The following AGBL2 variants were observed in gnomAD, a reference collection of about 807,000 sequenced individuals.
The protein encoded by AGBL2 is cytosolic carboxypeptidase 2.
Under a neutral mutation model 103.0 loss-of-function variants are expected in AGBL2, and 87 were observed. That is an observed-to-expected ratio of 0.84 (90% CI 0.71 to 1.01). The LOEUF (loss-of-function observed/expected upper bound fraction) is 1.01. Ranked by LOEUF, AGBL2 falls within the 50% of genes least tolerant of loss-of-function variation. The pLI is 0.00. For missense variants in AGBL2, 904 were observed against 1,023.5 expected (o/e 0.88, Z 1.59); for synonymous variants, 335 against 356.7 (o/e 0.94, Z 0.69).
In AGBL2 at chr11:47,715,028, G is replaced by C. The variant is rs2097545879; in HGVS notation, c.-101+147C>G. The C allele has an allele frequency of 2.3e-5, 5 of 219,004 alleles. No individual in the cohort carries two copies. The South Asian group carries it at 3.2e-4, about 14-fold the overall frequency. 13.6% of individuals were successfully genotyped at this position (219,004 alleles called of 1,614,324 possible). On this transcript the variant is annotated intron_variant, in intron 1 of 18. Transcript: ENST00000525123. The stretch of plus-strand genomic sequence containing the variant: ...GGGTATGGGAGCACGCGACGAAGTC[G>C]TCTCGGTAGGTGCCGATGGAAAAAG...
intron 10 of AGBL2, among the ~76,000 whole-genome samples, chr11:47,687,520 T>C (rs572088392): frequency 1.3e-5 from 2 of 150,856 alleles, no homozygotes; most frequent in South Asian, 4.2e-4. Flanking sequence ...AATAAATGTA[T>C]GTGAAATTGA....
At chr11:47,687,807 C>CT (rs369461728) in intron 10 of AGBL2, among the ~76,000 whole-genome samples, 21,763 of 138,506 alleles carry the variant, frequency 0.16, 1,923 homozygotes, top group South Asian at 0.25. Flanking sequence ...TTCTTTCTTT[C>CT]TTTTTTTTTT....
intron 14 of AGBL2, 47 bp from the exon 15 acceptor site, chr11:47,668,954 G>A (rs1483291648): frequency 2.2e-6 from 3 of 1,348,416 alleles, no homozygotes; most frequent in East Asian, 2.3e-5. Flanking sequence ...TCATTGATAT[G>A]TCTAGGAAGC....
intron 12 of AGBL2, among the ~76,000 whole-genome samples, chr11:47,681,625 G>A (rs1171338150): frequency 2.6e-5 from 4 of 152,050 alleles, no homozygotes; most frequent in Admixed American, 2.0e-4. Flanking sequence ...GTGCCACCAC[G>A]CCCAGCTAAT....
intron 7 of AGBL2, among the ~76,000 whole-genome samples, chr11:47,699,787 A>G (rs540357119): frequency 1.3e-5 from 2 of 152,286 alleles, no homozygotes; most frequent in East Asian, 1.9e-4. Context: ...TAAACTATCC[A>G]TAGAAGACCT....
chr11:47,705,232 AAAG>A (rs2097513392), intron 6 of AGBL2: 1 of 153,074 alleles, frequency 6.5e-6, no homozygotes, highest in Non-Finnish European at 1.5e-5. Context: ...GACATAAAAC[AAAG>A]AAGATGGAAA....
intron 1 of AGBL2, 91 bp downstream of exon 1, chr11:47,715,084 A>T (rs1186107414): frequency 2.2e-5 from 4 of 185,190 alleles, no homozygotes; most frequent in Non-Finnish European, 3.4e-5. Flanking sequence ...GGCCCTAAAG[A>T]TTGAATTTAG....
intron 11 of AGBL2, among the ~76,000 whole-genome samples, chr11:47,684,612 T>TAAAA (rs2097416826): frequency 6.6e-6 from 1 of 151,328 alleles, no homozygotes; most frequent in South Asian, 2.1e-4. Context: ...AATAAATAAA[T>TAAAA]AAAAATCCAA....
intron 14 of AGBL2, among the ~76,000 whole-genome samples, chr11:47,673,364 G>T (rs1400934699): frequency 6.6e-6 from 1 of 152,050 alleles, no homozygotes; most frequent in Non-Finnish European, 1.5e-5. Flanking sequence ...AGTGGCTCAT[G>T]CCTGTAATCC....
chr11:47,708,865 T>C (rs1599107372), intron 4 of AGBL2, among the ~76,000 whole-genome samples: 1 of 151,484 alleles, frequency 6.6e-6, no homozygotes, highest in Non-Finnish European at 1.5e-5. Flanking sequence ...CTCGCACCTG[T>C]AATCCCAGCA....
At chr11:47,672,001 C>A (rs148967424) in intron 14 of AGBL2, among the ~76,000 whole-genome samples, 45 of 152,294 alleles carry the variant, frequency 3.0e-4, no homozygotes, top group African/African-American at 9.4e-4. Context: ...CAGAGGCTGG[C>A]AAATTGGGTT....
At chr11:47,664,915 T>C (rs1447542516) in intron 17 of AGBL2, among the ~76,000 whole-genome samples, 1 of 150,080 alleles carries the variant, frequency 6.7e-6, no homozygotes. Context: ...AAGGTCTTGC[T>C]CTGTCGCCCA....
chr11:47,678,338 A>ATTTTTTTTTTTTTTTTTTTTTTTTTTT (rs1196435610), intron 13 of AGBL2, among the ~76,000 whole-genome samples: 12 of 95,302 alleles, frequency 1.3e-4, no homozygotes, highest in Non-Finnish European at 1.7e-4. Flanking sequence ...TTATTTTATT[A>ATTTTTTTTTTTTTTTTTTTTTTTTTTT]TTTTATTTTT....
At chr11:47,677,733 G>A (rs1362473948) in intron 13 of AGBL2, among the ~76,000 whole-genome samples, 2 of 152,100 alleles carry the variant, frequency 1.3e-5, no homozygotes, top group Non-Finnish European at 2.9e-5. Flanking sequence ...GATTACAGGC[G>A]TGAGCCATCA....
intron 12 of AGBL2, among the ~76,000 whole-genome samples, chr11:47,681,530 C>T (rs1041208850): frequency 6.6e-6 from 1 of 152,084 alleles, no homozygotes; most frequent in Non-Finnish European, 1.5e-5. Context: ...TGCAATGGCA[C>T]GATCTTGGCT....
At chr11:47,711,597 A>G (rs2097536557) in intron 3 of AGBL2, among the ~76,000 whole-genome samples, 1 of 152,208 alleles carries the variant, frequency 6.6e-6, no homozygotes, top group South Asian at 2.1e-4. Context: ...GCAGTAGCGC[A>G]ATCTCAGCTC....
intron 7 of AGBL2, among the ~76,000 whole-genome samples, chr11:47,700,760 AG>A (rs2097495456): frequency 6.6e-6 from 1 of 152,076 alleles, no homozygotes; most frequent in Non-Finnish European, 1.5e-5. Flanking sequence ...GGAAGTGATG[AG>A]GCTTTCACAA....
Position 47,710,821 on chromosome 11 carries a change from A to G in AGBL2, c.98-310T>C, listed in dbSNP as rs1308347150. 8.4e-6 allele frequency: 4 copies of G among 478,196 alleles called. No homozygotes were observed. The East Asian group carries it at 2.5e-4, about 30-fold the overall frequency. The allele number at this position is 478,196 out of a possible 1,614,324, so 29.6% of individuals were successfully genotyped here. On this transcript the variant is annotated intron_variant, in intron 3 of 18. Coordinates refer to ENST00000525123, the MANE Select transcript of AGBL2 (RefSeq NM_024783.4). The stretch of plus-strand genomic sequence containing the variant: ...CAAGGGCTGTGTTGGAACTCAGAAA[A>G]TGATAGCCAAAGGCTGGGAGGGTTG...
chr11:47,694,716 C>A (rs1156509848), intron 8 of AGBL2, among the ~76,000 whole-genome samples: 1 of 152,166 alleles, frequency 6.6e-6, no homozygotes, highest in Non-Finnish European at 1.5e-5. Flanking sequence ...AGAGTCACGA[C>A]CAGTTTGAGA....
Sources: gnomAD v4.1 joint callset for allele counts (sites outside exome capture counted in the v4.1 genomes callset) on GRCh38, gnomAD v4.1.1 for gene constraint, MANE v1.5 for transcripts, NCBI Gene and HGNC (gene_info 2026-07-23, HGNC 2026-07-21) for gene names.